Variants in DENND1A observed in about 807,000 individuals in gnomAD.
DENND1A encodes DENN domain containing 1A, also known as DENN domain-containing protein 1A.
In DENND1A, 51 loss-of-function variants were observed where a neutral mutation model predicts 113.7. That is an observed-to-expected ratio of 0.45 (90% confidence interval 0.36 to 0.57). The LOEUF is 0.57. DENND1A is among the 20% of genes least tolerant of loss of function. The pLI, the probability that DENND1A is intolerant of heterozygous loss-of-function variation, is 0.00. For synonymous variants in DENND1A, 565 were observed against 570.8 expected (o/e 0.99, Z 0.14); for missense variants, 1,258 against 1,395.9 (o/e 0.90, Z 1.57).
intron 3 of DENND1A, among the ~76,000 whole-genome samples, chr9:123,792,131 C>T (rs967059968): frequency 2.6e-5 from 4 of 152,198 alleles, no homozygotes; most frequent in Admixed American, 6.5e-5. Flanking sequence ...CATTTCTGCA[C>T]GTGCATCTTC....
chr9:123,624,063 G>A (rs1470197585), intron 10 of DENND1A, among the ~76,000 whole-genome samples: 1 of 152,200 alleles, frequency 6.6e-6, no homozygotes, highest in African/African-American at 2.4e-5. Context: ...GCACCTGCTG[G>A]CAGTGAAAAT....
At chr9:123,643,452 C>T (rs1020779623) in intron 9 of DENND1A, among the ~76,000 whole-genome samples, 2 of 152,150 alleles carry the variant, frequency 1.3e-5, no homozygotes, top group African/African-American at 4.8e-5. Flanking sequence ...ACTGGATATT[C>T]TTAGTTGTCC....
At chr9:123,407,412 G>T (rs1015019469) in intron 20 of DENND1A, among the ~76,000 whole-genome samples, 1 of 151,962 alleles carries the variant, frequency 6.6e-6, no homozygotes, top group Non-Finnish European at 1.5e-5. Flanking sequence ...AGAGGCACGC[G>T]CAAGAGGTGA....
chr9:123,390,774 G>A (rs1157294448), intron 21 of DENND1A, among the ~76,000 whole-genome samples: 1 of 152,256 alleles, frequency 6.6e-6, no homozygotes, highest in African/African-American at 2.4e-5. Flanking sequence ...AGCGGGGCTC[G>A]GAGTAGATGC....
At chr9:123,596,456 C>A (rs2059696695) in intron 11 of DENND1A, among the ~76,000 whole-genome samples, 2 of 152,182 alleles carry the variant, frequency 1.3e-5, no homozygotes, top group Admixed American at 1.3e-4. Context: ...CTCAAAGCAA[C>A]CTCTTGAAAT....
chr9:123,672,851 A>G (rs2063833319), intron 6 of DENND1A, among the ~76,000 whole-genome samples: 1 of 152,244 alleles, frequency 6.6e-6, no homozygotes, highest in South Asian at 2.1e-4. Flanking sequence ...AGCAGAAAAC[A>G]AACTAAGAGA....
At chr9:123,515,127 A>C (rs1349587073) in intron 13 of DENND1A, among the ~76,000 whole-genome samples, 1 of 152,268 alleles carries the variant, frequency 6.6e-6, no homozygotes. Context: ...CTAAAGAGAC[A>C]TAACAACCAT....
At chr9:123,914,321 G>A (rs548144388) in intron 1 of DENND1A, among the ~76,000 whole-genome samples, 2 of 151,858 alleles carry the variant, frequency 1.3e-5, no homozygotes, top group East Asian at 3.9e-4. Context: ...GGTGGATCAC[G>A]AGGTCAGGAG....
intron 1 of DENND1A, among the ~76,000 whole-genome samples, chr9:123,896,310 AAAAC>A (rs1357499796): frequency 7.2e-5 from 11 of 151,896 alleles, no homozygotes; most frequent in Admixed American, 3.9e-4. Context: ...AGACTCTCTG[AAAAC>A]AAACAAACAA....
At chr9:123,714,997 C>T (rs1174267536) in intron 5 of DENND1A, among the ~76,000 whole-genome samples, 1 of 152,094 alleles carries the variant, frequency 6.6e-6, no homozygotes, top group South Asian at 2.1e-4. Flanking sequence ...GCCTGGCCAA[C>T]ATGGCGAAAC....
At chr9:123,768,202 G>A (rs1829142355) in intron 4 of DENND1A, among the ~76,000 whole-genome samples, 1 of 152,126 alleles carries the variant, frequency 6.6e-6, no homozygotes, top group South Asian at 2.1e-4. Flanking sequence ...CAAGGTCTGA[G>A]TCTGGAAATA....
intron 11 of DENND1A, among the ~76,000 whole-genome samples, chr9:123,607,520 C>CACAG (rs1258725435): frequency 6.8e-5 from 5 of 73,874 alleles, no homozygotes; most frequent in African/African-American, 1.3e-4. Flanking sequence ...CACACACACA[C>CACAG]AGAGAGAGAG....
chr9:123,492,611 A>G (rs1301846221), intron 13 of DENND1A: 1 of 152,206 alleles, frequency 6.6e-6, no homozygotes, highest in Non-Finnish European at 1.5e-5. Context: ...GTCAGGAGTA[A>G]TTGTACACTT....
chr9:123,426,315 G>C (rs1391874769), intron 19 of DENND1A, among the ~76,000 whole-genome samples: 2 of 152,228 alleles, frequency 1.3e-5, no homozygotes, highest in Non-Finnish European at 2.9e-5. Context: ...GTCGAGGAGA[G>C]AGACACAGGA....
intron 2 of DENND1A, among the ~76,000 whole-genome samples, chr9:123,809,507 T>TA (rs137973238): frequency 0.067 from 10,127 of 152,264 alleles, 464 homozygotes; most frequent in African/African-American, 0.13. Flanking sequence ...CATCAATGCC[T>TA]ATAAGTATCC....
intron 2 of DENND1A, among the ~76,000 whole-genome samples, chr9:123,875,880 C>T (rs1367679687): frequency 1.3e-5 from 2 of 152,152 alleles, no homozygotes; most frequent in African/African-American, 2.4e-5. Context: ...CAAAGCAGAT[C>T]CTTCTAAAGC....
At chr9:123,556,148 T>C (rs2057402584) in intron 13 of DENND1A, among the ~76,000 whole-genome samples, 1 of 152,186 alleles carries the variant, frequency 6.6e-6, no homozygotes, top group Non-Finnish European at 1.5e-5. Context: ...TCGAGAAACC[T>C]AAGGGAAATA....
At chr9:123,596,128 G>A (rs961393879) in intron 11 of DENND1A, among the ~76,000 whole-genome samples, 5 of 152,114 alleles carry the variant, frequency 3.3e-5, no homozygotes, top group African/African-American at 7.2e-5. Context: ...GAGATAGCTC[G>A]CCACGTTACT....
intron 2 of DENND1A, among the ~76,000 whole-genome samples, chr9:123,862,711 C>T (rs1845215910): frequency 6.6e-6 from 1 of 152,104 alleles, no homozygotes; most frequent in Non-Finnish European, 1.5e-5. Flanking sequence ...CCTTCCTTCC[C>T]ATCCACCACC....
Sources: allele counts gnomAD v4.1 joint callset (sites outside exome capture counted in the v4.1 genomes callset), GRCh38; gene constraint gnomAD v4.1.1; transcripts MANE v1.5; gene names NCBI Gene and HGNC (gene_info 2026-07-23, HGNC 2026-07-21).